The following MSRB2 variants were observed in gnomAD, a reference collection of about 807,000 sequenced individuals.
MSRB2 encodes the protein methionine-R-sulfoxide reductase B2, mitochondrial.
A neutral mutation model predicts 19.0 loss-of-function variants in MSRB2; 17 were observed. The ratio of observed to expected loss-of-function variants is 0.89; its 90% CI spans 0.61 to 1.34. The LOEUF is 1.34. Among genes scored for constraint, MSRB2 ranks in the 40% most tolerant of loss-of-function variants. The pLI is 0.00. For synonymous variants in MSRB2, 107 were observed against 99.7 expected (o/e 1.07, Z -0.44); for missense variants, 208 against 237.6 (o/e 0.88, Z 0.82).
chr10:23,118,946 A>G (rs926501910), intron 3 of MSRB2: 22 of 435,136 alleles, frequency 5.1e-5, no homozygotes, highest in Non-Finnish European at 9.8e-5. Flanking sequence ...GAGCATTAGT[A>G]TTTCGTTTTG....
At chr10:23,102,393 C>T (rs925337998) in intron 1 of MSRB2, among the ~76,000 whole-genome samples, 1 of 152,102 alleles carries the variant, frequency 6.6e-6, no homozygotes, top group Non-Finnish European at 1.5e-5. Context: ...TCTTTTATAG[C>T]TCTTGTTTTT....
chr10:23,109,043 C>G (rs1396389408), intron 2 of MSRB2, among the ~76,000 whole-genome samples: 1 of 152,128 alleles, frequency 6.6e-6, no homozygotes, highest in African/African-American at 2.4e-5. Context: ...AGTTGGGAAG[C>G]CTGGAGGGAT....
At chr10:23,116,218 TCATA>T (rs67182768) in intron 3 of MSRB2, among the ~76,000 whole-genome samples, 99,840 of 151,556 alleles carry the variant, frequency 0.66, 33,332 homozygotes, top group African/African-American at 0.71. Context: ...CTTAAAACAA[TCATA>T]CAATCTATAA....
At chr10:23,100,622 G>A (rs1403908564) in intron 1 of MSRB2, among the ~76,000 whole-genome samples, 1 of 152,152 alleles carries the variant, frequency 6.6e-6, no homozygotes, top group East Asian at 1.9e-4. Context: ...AGAGCAGGAG[G>A]AAGAGAGAGA....
intron 2 of MSRB2, among the ~76,000 whole-genome samples, chr10:23,106,491 C>T (rs1464054656): frequency 3.3e-5 from 5 of 152,212 alleles, no homozygotes; most frequent in African/African-American, 4.8e-5. Flanking sequence ...CCACTCTCCG[C>T]GGGCTCCCCT....
intron 3 of MSRB2, among the ~76,000 whole-genome samples, chr10:23,117,972 C>A (rs565808867): frequency 6.6e-6 from 1 of 152,126 alleles, no homozygotes; most frequent in Non-Finnish European, 1.5e-5. Context: ...GCTTAGCCAT[C>A]AAGTAAAATG....
intron 1 of MSRB2, among the ~76,000 whole-genome samples, chr10:23,098,871 C>T (rs918147875): frequency 2.6e-5 from 4 of 152,192 alleles, no homozygotes; most frequent in Non-Finnish European, 2.9e-5. Flanking sequence ...GCAGCTTAAA[C>T]GATGGAATTC....
At position 23,103,549 on chromosome 10, in the gene MSRB2, G is replaced by A. The variant is rs184916681; in HGVS notation, c.119-595G>A. Among the ~76,000 whole-genome samples the A allele has an allele frequency of 1.8e-3, 275 of 152,202 alleles. 1 individual carries two copies. Among genetic ancestry groups the A allele is most frequent in the Admixed American group, 3.2e-3 (49 of 15,288 alleles). The stretch of plus-strand genomic sequence containing the variant: ...AGTAGGAAAGAAGAAAACAAAATAT[G>A]GACAAAAACCATGAAGCATCATAAT... On this transcript the variant is annotated intron_variant, in intron 1 of 4. Transcript: ENST00000376510.
chr10:23,112,478 G>A, intron 3 of MSRB2, among the ~76,000 whole-genome samples: 1 of 152,202 alleles, frequency 6.6e-6, no homozygotes, highest in East Asian at 1.9e-4. Flanking sequence ...TCATAAGGTT[G>A]TTGGGAGGAT....
chr10:23,112,998 G>A (rs900940833), intron 3 of MSRB2, among the ~76,000 whole-genome samples: 1 of 152,212 alleles, frequency 6.6e-6, no homozygotes, highest in Admixed American at 6.5e-5. Flanking sequence ...TACAAATGCA[G>A]ACTATATTCC....
intron 2 of MSRB2, 59 bp downstream of exon 2, chr10:23,104,303 G>A (rs1839962052): frequency 1.4e-6 from 2 of 1,425,354 alleles, no homozygotes; most frequent in South Asian, 2.4e-5. Flanking sequence ...GGGGCCAGTT[G>A]GAATAGGTCC....
intron 4 of MSRB2, 84 bp from the exon 5 acceptor site, chr10:23,120,674 G>T: frequency 1.0e-6 from 1 of 993,314 alleles, no homozygotes; most frequent in South Asian, 1.5e-5. Context: ...GGAGTGGAGT[G>T]ATTTTGGGGG....
chr10:23,106,883 A>G (rs1037329454), intron 2 of MSRB2, among the ~76,000 whole-genome samples: 35 of 152,018 alleles, frequency 2.3e-4, no homozygotes. Flanking sequence ...ATCCCTCTTG[A>G]GTGTGTCATC....
rs12248608 is a variant in MSRB2 at position 23,111,897 on chromosome 10, T to G, written c.296+1579T>G. Among the ~76,000 whole-genome samples the G allele has an allele frequency of 4.2e-4, 10 of 23,934 alleles. 1 individual carries two copies. The highest frequency in any genetic ancestry group is 6.9e-4 in the East Asian group (2 of 2,886). The allele number at this position is 23,934 out of a possible 152,430, so 15.7% of individuals were successfully genotyped here. A position where few individuals can be genotyped will look rare whatever the true frequency, so the allele number is the denominator to read the frequency against. Reference sequence around the variant, plus strand: ...AATTTTAATTAATTTAAACTTAAATTTAATTTTAATTAATTTAAACTTTAA... The same window carrying G: ...AATTTTAATTAATTTAAACTTAAATGTAATTTTAATTAATTTAAACTTTAA... On this transcript the variant is annotated intron_variant, in intron 3 of 4. Transcript: ENST00000376510.
In MSRB2 at chr10:23,118,336, T is replaced by C. The variant is rs1013309110; in HGVS notation, c.297-968T>C. 3.4e-5 allele frequency among the ~76,000 whole-genome samples: 4 copies of C among 117,786 alleles called. No individual in the cohort carries two copies. The Admixed American group carries it at 4.5e-4, about 13-fold the overall frequency. The allele number at this position is 117,786 out of a possible 152,430, so 77.3% of individuals were successfully genotyped here. On this transcript the variant is annotated intron_variant, in intron 3 of 4. Coordinates refer to ENST00000376510, the MANE Select transcript of MSRB2 (RefSeq NM_012228.4). ...ACTTTTTCTTCTTAGATTAGTTTTT[T>C]GTTTTTTTTTTTTTTTTTTTGGCTG...
In MSRB2 at chr10:23,121,091, T is replaced by C. The variant is rs538516479; in HGVS notation, c.*229T>C. On this transcript the variant is annotated 3_prime_UTR_variant, in exon 5 of 5. Coordinates refer to ENST00000376510, the MANE Select transcript of MSRB2 (RefSeq NM_012228.4). The stretch of plus-strand genomic sequence containing the variant: ...TACCTGATCAGGATCTGGGAGAATT[T>C]GAAAAAAAAAGAAAAACTAGAAAAA... 1.5e-5 allele frequency: 6 copies of C among 406,510 alleles called. No homozygotes were observed. In the South Asian group the frequency reaches 5.8e-4, roughly 39 times the overall value. The allele number at this position is 406,510 out of a possible 1,614,324, so 25.2% of individuals were successfully genotyped here.
At chr10:23,106,910 G>A (rs998386813) in intron 2 of MSRB2, among the ~76,000 whole-genome samples, 2 of 152,194 alleles carry the variant, frequency 1.3e-5, no homozygotes, top group Admixed American at 6.5e-5. Flanking sequence ...CAGCAGGTGC[G>A]TTGTATTGAC....
chr10:23,111,304 G>C (rs1300416123), intron 3 of MSRB2, among the ~76,000 whole-genome samples: 2 of 152,222 alleles, frequency 1.3e-5, no homozygotes, highest in Non-Finnish European at 2.9e-5. Context: ...TGGGACTCAG[G>C]TTTCTGAGAC....
At chr10:23,101,255 C>T (rs1247882739) in intron 1 of MSRB2, among the ~76,000 whole-genome samples, 2 of 152,122 alleles carry the variant, frequency 1.3e-5, no homozygotes, top group Non-Finnish European at 2.9e-5. Flanking sequence ...TGAGAACATA[C>T]GATGTTTGGT....
Sources: gnomAD v4.1 joint callset for allele counts (sites outside exome capture counted in the v4.1 genomes callset) on GRCh38, gnomAD v4.1.1 for gene constraint, MANE v1.5 for transcripts, NCBI Gene and HGNC (gene_info 2026-07-23, HGNC 2026-07-21) for gene names.